SDK1: variants seen among roughly 807,000 people sequenced by gnomAD.
The protein encoded by SDK1 is protein sidekick-1.
Under a neutral mutation model 245.5 loss-of-function variants are expected in SDK1, and 157 were observed. The ratio of observed to expected loss-of-function variants is 0.64; its 90% CI spans 0.56 to 0.73. The LOEUF (loss-of-function observed/expected upper bound fraction) is 0.73. Among genes scored for constraint, SDK1 ranks in the 30% least tolerant of loss-of-function variants. The probability of loss-of-function intolerance (pLI) is 0.00; values close to 1 mark genes in which losing one functional copy is unlikely to be tolerated. For missense variants in SDK1, 3,583 were observed against 3,002.3 expected, an observed-to-expected ratio of 1.19 and a Z score of -4.52; for synonymous variants, 1,647 against 1,278.5, an observed-to-expected ratio of 1.29 and a Z score of -6.15.
chr7:3,526,980 T>C, intron 1 of SDK1, among the ~76,000 whole-genome samples: 1 of 152,206 alleles, frequency 6.6e-6, no homozygotes, highest in Non-Finnish European at 1.5e-5. Flanking sequence ...GCTATAAATC[T>C]ACCTTCAGCT....
chr7:3,579,434 A>T (rs1780412207), intron 1 of SDK1, among the ~76,000 whole-genome samples: 1 of 152,260 alleles, frequency 6.6e-6, no homozygotes, highest in African/African-American at 2.4e-5. Flanking sequence ...TCACATGATT[A>T]TCTCAATAGG....
chr7:3,752,617 C>G (rs1779804995), intron 4 of SDK1, among the ~76,000 whole-genome samples: 1 of 152,110 alleles, frequency 6.6e-6, no homozygotes, highest in African/African-American at 2.4e-5. Context: ...TTTTAGTATT[C>G]TAGCATGGAT....
At chr7:3,375,302 C>G (rs1052548495) in intron 1 of SDK1, among the ~76,000 whole-genome samples, 1 of 152,074 alleles carries the variant, frequency 6.6e-6, no homozygotes, top group Non-Finnish European at 1.5e-5. Context: ...ATAATACTGA[C>G]CCAGGACTAG....
intron 1 of SDK1, among the ~76,000 whole-genome samples, chr7:3,460,938 T>C (rs1476598504): frequency 6.6e-6 from 1 of 152,236 alleles, no homozygotes; most frequent in Admixed American, 6.5e-5. Flanking sequence ...GAGACACGTT[T>C]CTTACATTAT....
chr7:3,843,702 A>G (rs1176575216), intron 5 of SDK1, among the ~76,000 whole-genome samples: 2 of 152,362 alleles, frequency 1.3e-5, no homozygotes, highest in Admixed American at 6.5e-5. Context: ...TCTGTTTCAT[A>G]GGAAACTCGC....
At chr7:4,167,943 A>G (rs901333429) in intron 32 of SDK1, among the ~76,000 whole-genome samples, 2 of 152,212 alleles carry the variant, frequency 1.3e-5, no homozygotes, top group Non-Finnish European at 2.9e-5. Context: ...CCTTGACCTC[A>G]TGGGTTCCAT....
chr7:3,321,651 A>C (rs920523657), intron 1 of SDK1, among the ~76,000 whole-genome samples: 3 of 151,754 alleles, frequency 2.0e-5, no homozygotes, highest in African/African-American at 7.3e-5. Context: ...CCTAATATTT[A>C]ATGCAATGAA....
intron 22 of SDK1, among the ~76,000 whole-genome samples, chr7:4,093,113 C>T (rs1166918322): frequency 6.6e-6 from 1 of 150,818 alleles, no homozygotes; most frequent in African/African-American, 2.4e-5. Context: ...ATGTGGGTTG[C>T]CAAAAAAAAA....
At chr7:3,830,904 T>C (rs1040677050) in intron 5 of SDK1, among the ~76,000 whole-genome samples, 3 of 152,238 alleles carry the variant, frequency 2.0e-5, no homozygotes, top group Non-Finnish European at 2.9e-5. Flanking sequence ...TGTGGAATCA[T>C]ATTATGTAAA....
chr7:3,452,983 T>C (rs1371270075), intron 1 of SDK1, among the ~76,000 whole-genome samples: 1 of 152,156 alleles, frequency 6.6e-6, no homozygotes, highest in East Asian at 1.9e-4. Context: ...AAACTACTCA[T>C]GGCCATTGTG....
At chr7:3,611,383 C>G (rs1350994510) in intron 1 of SDK1, among the ~76,000 whole-genome samples, 1 of 152,166 alleles carries the variant, frequency 6.6e-6, no homozygotes, top group African/African-American at 2.4e-5. Flanking sequence ...TCCTCTTGCA[C>G]CGCCGCCTCT....
intron 25 of SDK1, among the ~76,000 whole-genome samples, chr7:4,119,035 TA>T (rs897119167): frequency 6.7e-6 from 1 of 148,536 alleles, no homozygotes; most frequent in Non-Finnish European, 1.5e-5. Context: ...CTGAATTCAC[TA>T]AAAAATGTTG....
At chr7:4,091,311 C>A (rs1239131115) in intron 22 of SDK1, among the ~76,000 whole-genome samples, 1 of 140,344 alleles carries the variant, frequency 7.1e-6, no homozygotes, top group East Asian at 2.0e-4. Context: ...GATTTCTCCA[C>A]ATTTGCCATT....
intron 1 of SDK1, among the ~76,000 whole-genome samples, chr7:3,500,219 G>GGA (rs768745643): frequency 6.1e-4 from 93 of 152,222 alleles, no homozygotes; most frequent in Admixed American, 1.4e-3. Flanking sequence ...ATTTCTCTGT[G>GGA]TTTTGAGGAT....
At chr7:3,876,447 A>G (rs1164937842) in intron 5 of SDK1, among the ~76,000 whole-genome samples, 1 of 152,208 alleles carries the variant, frequency 6.6e-6, no homozygotes, top group Non-Finnish European at 1.5e-5. Context: ...TAAGCCAGGA[A>G]GAATTCAATA....
chr7:4,177,381 C>A (rs559801390), intron 34 of SDK1, among the ~76,000 whole-genome samples: 2 of 152,328 alleles, frequency 1.3e-5, no homozygotes, highest in South Asian at 4.1e-4. Context: ...GCTTAAAGGT[C>A]AATTATTCTC....
At chr7:3,798,797 A>T (rs1354383325) in intron 4 of SDK1, among the ~76,000 whole-genome samples, 1 of 152,184 alleles carries the variant, frequency 6.6e-6, no homozygotes, top group Non-Finnish European at 1.5e-5. Flanking sequence ...GAGAAGTGTC[A>T]GTGACTTTGT....
intron 1 of SDK1, among the ~76,000 whole-genome samples, chr7:3,311,989 C>T (rs1302760247): frequency 6.6e-6 from 1 of 152,168 alleles, no homozygotes; most frequent in Admixed American, 6.5e-5. Context: ...TAAAGGTTCT[C>T]TAGCATCAAA....
At chr7:4,215,534 C>T (rs73048281) in intron 38 of SDK1, among the ~76,000 whole-genome samples, 3,441 of 152,330 alleles carry the variant, frequency 0.023, 65 homozygotes, top group Non-Finnish European at 0.036. Flanking sequence ...CAGTCACGCA[C>T]GGCCCAGCAT....
Sources: allele counts gnomAD v4.1 joint callset (sites outside exome capture counted in the v4.1 genomes callset), GRCh38; gene constraint gnomAD v4.1.1; transcripts MANE v1.5; gene names NCBI Gene and HGNC (gene_info 2026-07-23, HGNC 2026-07-21).